Variants in IQSEC1 observed in about 807,000 individuals in gnomAD.
The protein encoded by IQSEC1 is IQ motif and Sec7 domain ArfGEF 1.
In IQSEC1, 31 loss-of-function variants were observed where a neutral mutation model predicts 91.0. The observed-to-expected ratio is 0.34, with a 90% CI of 0.26 to 0.46. The LOEUF is 0.46. Among genes scored for constraint, IQSEC1 ranks in the 20% least tolerant of loss-of-function variants. The pLI, the probability that IQSEC1 is intolerant of heterozygous loss-of-function variation, is 1.00. For missense variants in IQSEC1, 1,388 were observed against 1,575.6 expected, an observed-to-expected ratio of 0.88 and a Z score of 2.02; for synonymous variants, 699 against 662.6, an observed-to-expected ratio of 1.05 and a Z score of -0.84.
chr3:12,900,838 C>A lies in IQSEC1; in HGVS notation c.*145G>T. The A allele has an allele frequency of 3.4e-5, 52 of 1,516,384 alleles. No homozygotes were observed. The highest frequency in any genetic ancestry group is 4.6e-5 in the Non-Finnish European group (52 of 1,137,486). 93.9% of individuals were successfully genotyped at this position (1,516,384 alleles called of 1,614,324 possible). A position where few individuals can be genotyped will look rare whatever the true frequency, so the allele number is the denominator to read the frequency against. On this transcript the variant is annotated 3_prime_UTR_variant, in exon 14 of 14. Transcript: ENST00000613206. ...CACACAACACCAGCCCTGTGGGCTC[C>A]TGGGGCTCCGGTTGGGCCGTGAGGG...
intron 1 of IQSEC1, among the ~76,000 whole-genome samples, chr3:13,256,472 C>T (rs1285661786): frequency 6.6e-6 from 1 of 152,106 alleles, no homozygotes; most frequent in Non-Finnish European, 1.5e-5. Context: ...GGTTATAACC[C>T]ACGGCATCAG....
intron 2 of IQSEC1, among the ~76,000 whole-genome samples, chr3:13,128,818 A>C (rs1706560390): frequency 6.8e-6 from 1 of 147,818 alleles, no homozygotes; most frequent in African/African-American, 2.5e-5. Context: ...CGGAGGTTGC[A>C]GTGAGCCGAG....
chr3:13,158,936 T>G (rs1433204100), intron 2 of IQSEC1, among the ~76,000 whole-genome samples: 1 of 151,674 alleles, frequency 6.6e-6, no homozygotes, highest in Non-Finnish European at 1.5e-5. Flanking sequence ...CATTCCAGCC[T>G]GGGTGACAGA....
chr3:13,054,407 G>T (rs1482203298), intron 1 of IQSEC1, among the ~76,000 whole-genome samples: 1 of 152,160 alleles, frequency 6.6e-6, no homozygotes, highest in East Asian at 1.9e-4. Flanking sequence ...GGAAGCAGTG[G>T]GCACCCTTCT....
intron 1 of IQSEC1, among the ~76,000 whole-genome samples, chr3:13,033,111 C>T (rs553872787): frequency 9.2e-5 from 14 of 152,284 alleles, no homozygotes; most frequent in Non-Finnish European, 2.1e-4. Context: ...TTTGGCACCC[C>T]TTAAATTCTG....
At chr3:12,998,320 C>T (rs1431920461) in intron 1 of IQSEC1, among the ~76,000 whole-genome samples, 2 of 152,026 alleles carry the variant, frequency 1.3e-5, no homozygotes, top group African/African-American at 4.8e-5. Flanking sequence ...CACTGCACTC[C>T]AGCCTGGGTG....
chr3:12,927,491 C>G (rs1455569763), intron 3 of IQSEC1, among the ~76,000 whole-genome samples: 1 of 147,276 alleles, frequency 6.8e-6, no homozygotes, highest in Non-Finnish European at 1.5e-5. Context: ...TCCCTCCAGG[C>G]CACCGCTGCA....
intron 13 of IQSEC1, 104 bp downstream of exon 13, chr3:12,902,668 AC>A (rs1694469305): frequency 1.6e-4 from 44 of 281,176 alleles, no homozygotes; most frequent in Admixed American, 2.0e-4. Flanking sequence ...CAAAAAAAAA[AC>A]CAAAAAAAAA....
At chr3:12,902,922 T>TCCCAGCAG in intron 12 of IQSEC1, 100 bp from the exon 13 acceptor site, 1 of 908,552 alleles carries the variant, frequency 1.1e-6, no homozygotes, top group Non-Finnish European at 1.8e-6. Context: ...GCACCCCTGC[T>TCCCAGCAG]GGGAGCAGGC....
chr3:13,058,229 C>T lies in IQSEC1; in HGVS notation c.23+14763G>A, dbSNP rs1008248208. Among the ~76,000 whole-genome samples, 5 of 152,106 alleles carry T rather than the reference C, an allele frequency of 3.3e-5. No homozygotes were observed. The South Asian group carries it at 6.2e-4, about 19-fold the overall frequency. On this transcript the variant is annotated intron_variant, in intron 1 of 13. Transcript: ENST00000613206. ...CGGAGGTTGCAGTGAGCCGAGATGG[C>T]GCCACTGCACTCCAGCCTGGGCGAC...
intron 2 of IQSEC1, among the ~76,000 whole-genome samples, chr3:13,080,839 T>TC (rs1355815031): frequency 4.6e-5 from 7 of 152,024 alleles, no homozygotes; most frequent in African/African-American, 1.7e-4. Context: ...CCTGCCCTCC[T>TC]CCCCGGGGAT....
Position 13,017,797 on chromosome 3 carries a change from G to A in IQSEC1, c.23+55195C>T, listed in dbSNP as rs368941458. ...AATGGTGAGGCCCACGGGTGAAAGG[G>A]GAAAGCAGCCATAAGGGAATTTATG... On this transcript the variant is annotated intron_variant, in intron 1 of 13. Coordinates refer to ENST00000613206, the MANE Select transcript of IQSEC1 (RefSeq NM_001134382.3). Among the ~76,000 whole-genome samples, 32 of 152,286 alleles carry A rather than the reference G, an allele frequency of 2.1e-4. No individual in the cohort carries two copies. In the East Asian group the frequency reaches 5.4e-3, roughly 26 times the overall value.
At chr3:13,140,183 G>A (rs1426818919) in intron 2 of IQSEC1, among the ~76,000 whole-genome samples, 2 of 152,070 alleles carry the variant, frequency 1.3e-5, no homozygotes, top group African/African-American at 4.8e-5. Flanking sequence ...CCTCTGCCTG[G>A]CATCCCTTAT....
chr3:12,997,400 A>T (rs1363270324), intron 1 of IQSEC1, among the ~76,000 whole-genome samples: 1 of 152,202 alleles, frequency 6.6e-6, no homozygotes, highest in Non-Finnish European at 1.5e-5. Flanking sequence ...GTAATAATTG[A>T]TTTTTAAAAG....
chr3:13,083,393 G>A (rs1043658309), intron 2 of IQSEC1, among the ~76,000 whole-genome samples: 4 of 152,210 alleles, frequency 2.6e-5, no homozygotes, highest in East Asian at 1.9e-4. Flanking sequence ...TCAAGAAGAC[G>A]GGGCTTCAAA....
At chr3:13,261,095 G>A (rs1299672934) in intron 1 of IQSEC1, among the ~76,000 whole-genome samples, 1 of 152,220 alleles carries the variant, frequency 6.6e-6, no homozygotes, top group African/African-American at 2.4e-5. Context: ...CACTTGATTT[G>A]TATATAGAAA....
intron 1 of IQSEC1, among the ~76,000 whole-genome samples, chr3:13,170,646 G>T (rs1307434386): frequency 2.0e-5 from 3 of 152,230 alleles, no homozygotes; most frequent in Non-Finnish European, 4.4e-5. Flanking sequence ...CTCTAGTCCA[G>T]TAGGAGGTTT....
intron 1 of IQSEC1, among the ~76,000 whole-genome samples, chr3:13,194,887 C>T (rs73134121): frequency 0.057 from 8,735 of 152,242 alleles, 471 homozygotes; most frequent in African/African-American, 0.14. Context: ...TGTCAATCCA[C>T]AAAACCTTTA....
intron 2 of IQSEC1, among the ~76,000 whole-genome samples, chr3:13,128,925 A>ATTC (rs1706563216): frequency 6.6e-6 from 1 of 151,404 alleles, no homozygotes; most frequent in South Asian, 2.1e-4. Context: ...TTAATGAGGA[A>ATTC]TTCAAGTCTG....
Sources: gnomAD v4.1 joint callset for allele counts (sites outside exome capture counted in the v4.1 genomes callset) on GRCh38, gnomAD v4.1.1 for gene constraint, MANE v1.5 for transcripts, NCBI Gene and HGNC (gene_info 2026-07-23, HGNC 2026-07-21) for gene names.